The following ATAD2 variants were observed in gnomAD, a reference collection of about 807,000 sequenced individuals.
ATAD2 encodes ATPase family AAA domain containing 2.
In ATAD2, 62 loss-of-function variants were observed where a neutral mutation model predicts 168.9. The observed-to-expected ratio is 0.37, with a 90% CI of 0.30 to 0.45. ATAD2 has a LOEUF of 0.45. Among genes scored for constraint, ATAD2 ranks in the 20% least tolerant of loss-of-function variants. The pLI is 1.00. For missense variants in ATAD2, 1,419 were observed against 1,667.8 expected, an observed-to-expected ratio of 0.85 and a Z score of 2.60; for synonymous variants, 613 against 571.6, an observed-to-expected ratio of 1.07 and a Z score of -1.03.
intron 13 of ATAD2, among the ~76,000 whole-genome samples, chr8:123,350,491 G>A (rs1383484990): frequency 6.6e-6 from 1 of 152,032 alleles, no homozygotes; most frequent in Non-Finnish European, 1.5e-5. Flanking sequence ...GTTAATCCAG[G>A]ACCCACACAC....
intron 2 of ATAD2, 104 bp from the exon 3 acceptor site, chr8:123,372,790 C>A: frequency 2.3e-6 from 2 of 887,212 alleles, no homozygotes; most frequent in Non-Finnish European, 3.2e-6. Context: ...TGCAGTGGCA[C>A]AATCATGACT....
chr8:123,329,297 G>A (rs747814468), intron 24 of ATAD2, among the ~76,000 whole-genome samples: 1 of 152,042 alleles, frequency 6.6e-6, no homozygotes, highest in Non-Finnish European at 1.5e-5. Context: ...AGACTGGAGT[G>A]CAATGGCTAT....
At chr8:123,347,814 T>C (rs1828301472) in intron 15 of ATAD2, among the ~76,000 whole-genome samples, 1 of 152,148 alleles carries the variant, frequency 6.6e-6, no homozygotes, top group African/African-American at 2.4e-5. Flanking sequence ...TTACATGAAA[T>C]AATATATGTA....
chr8:123,390,825 A>G (rs1244410060), intron 1 of ATAD2, among the ~76,000 whole-genome samples: 2 of 152,178 alleles, frequency 1.3e-5, no homozygotes, highest in African/African-American at 2.4e-5. Context: ...TGAGGTCAGG[A>G]GTTTGATACC....
At chr8:123,361,772 C>G in intron 8 of ATAD2, 126 bp from the exon 9 acceptor site, 2 of 639,318 alleles carry the variant, frequency 3.1e-6, no homozygotes, top group South Asian at 4.3e-5. Context: ...TCTGCTGACC[C>G]ACTGACATAA....
chr8:123,383,982 G>A (rs1166305393), intron 1 of ATAD2, among the ~76,000 whole-genome samples: 1 of 151,818 alleles, frequency 6.6e-6, no homozygotes, highest in Non-Finnish European at 1.5e-5. Context: ...TTGGGAGGCT[G>A]AGGCAGGAGA....
At chr8:123,368,884 A>T (rs373295858) in intron 8 of ATAD2, among the ~76,000 whole-genome samples, 174 bp downstream of exon 8, 86 of 152,322 alleles carry the variant, frequency 5.6e-4, no homozygotes, top group African/African-American at 1.9e-3. Context: ...AGCAAAAGCA[A>T]AAACTAGTCA....
At chr8:123,396,736 C>G (rs1812863067), upstream of ATAD2, among the ~76,000 whole-genome samples, 1 of 152,116 alleles carries the variant, frequency 6.6e-6, no homozygotes, top group Non-Finnish European at 1.5e-5. Flanking sequence ...GGAATTTTGG[C>G]GCGGGACGGC....
At position 123,347,264 on chromosome 8, in the gene ATAD2, C is replaced by T. The variant is rs1266900992; in HGVS notation, c.2040G>A (p.Glu680=). The T allele has an allele frequency of 6.2e-7, 1 of 1,613,990 alleles. No individual in the cohort carries two copies. Among genetic ancestry groups the T allele is most frequent in the African/African-American group, 1.3e-5 (1 of 74,908 alleles). The part of the protein sequence containing the change: ...SSINISAKDF[E]VAMQKMIPAS... ...CTGGTATCATCTTTTGCATAGCTAC[C>T]TCGAAATCCTTAGCTGAGATATTAA... is the stretch of plus-strand genomic sequence containing the variant. The change falls in exon 16 of 28, where the codon GAG becomes GAA. Residue 680 remains glutamate (E), a synonymous_variant. Coordinates refer to ENST00000287394, the MANE Select transcript of ATAD2 (RefSeq NM_014109.4).
chr8:123,376,717 G>C (rs913018207), intron 2 of ATAD2, among the ~76,000 whole-genome samples: 13 of 152,142 alleles, frequency 8.5e-5, no homozygotes, highest in African/African-American at 3.1e-4. Flanking sequence ...CACTTTGGGA[G>C]GCTGAGGCAG....
intron 26 of ATAD2, 51 bp from the exon 27 acceptor site, chr8:123,323,117 C>G (rs987680667): frequency 6.5e-7 from 1 of 1,538,636 alleles, no homozygotes; most frequent in African/African-American, 1.4e-5. Flanking sequence ...CTTCCTCAGA[C>G]AAGATACTTA....
At chr8:123,337,436 T>C (rs1827949713) in intron 21 of ATAD2, among the ~76,000 whole-genome samples, 189 bp downstream of exon 21, 1 of 152,200 alleles carries the variant, frequency 6.6e-6, no homozygotes, top group Non-Finnish European at 1.5e-5. Context: ...GTTAATTGTC[T>C]GCAGGAAAGG....
chr8:123,354,039 CAGG>C (rs1408723571), intron 13 of ATAD2, among the ~76,000 whole-genome samples: 10 of 152,070 alleles, frequency 6.6e-5, no homozygotes, highest in Non-Finnish European at 1.5e-4. Context: ...GAGGCTGAGG[CAGG>C]AGAATTGCTT....
intron 24 of ATAD2, among the ~76,000 whole-genome samples, chr8:123,333,665 C>A (rs1271678253): frequency 1.3e-5 from 2 of 152,110 alleles, no homozygotes; most frequent in African/African-American, 2.4e-5. Context: ...AGTTTCAAAT[C>A]AAGACAGTCC....
chr8:123,369,095 C>T lies in ATAD2; in HGVS notation c.1012G>A (p.Ala338Thr), dbSNP rs376155752. The T allele has an allele frequency of 5.5e-5, 87 of 1,594,040 alleles. 4 individuals carry two copies. The highest frequency in any genetic ancestry group is 3.4e-4 in the African/African-American group (25 of 74,604). The change falls in exon 8 of 28, where the codon GCA becomes ACA. Residue 338 changes from alanine to threonine, a missense_variant. Ala to Thr is a moderately conservative substitution (Grantham distance 58). Around this residue, in one of 5 missense-constraint regions of ATAD2, gnomAD observed 419 missense variants for 423.5 expected, o/e 0.99. Transcript: ENST00000287394. Reference protein sequence around the residue: ...PARPRYRLSSAGPRSPYCKRM... With the variant: ...PARPRYRLSSTGPRSPYCKRM... Reference sequence around the variant, plus strand: ...TTACAGTAAGGACTTCTTGGTCCTGCGGAAGATAATCGGTATCTTGGTCTT... The same window carrying T: ...TTACAGTAAGGACTTCTTGGTCCTGTGGAAGATAATCGGTATCTTGGTCTT...
chr8:123,356,521 C>CA, intron 12 of ATAD2, 44 bp from the exon 13 acceptor site: 1 of 1,379,844 alleles, frequency 7.2e-7, no homozygotes, highest in Non-Finnish European at 1.0e-6. Flanking sequence ...TAAACAGCCT[C>CA]AAACACGTAG....
intron 1 of ATAD2, among the ~76,000 whole-genome samples, chr8:123,382,505 G>T (rs1450743557): frequency 6.6e-6 from 1 of 152,132 alleles, no homozygotes; most frequent in African/African-American, 2.4e-5. Flanking sequence ...ATTTTCCAAG[G>T]AATATTTAAA....
Position 123,402,777 on chromosome 8 carries a change from T to C in ATAD2, c.-2281-1602A>G, listed in dbSNP as rs1813018857. On this transcript the variant is annotated intron_variant, in intron 1 of 28. Coordinates refer to the ATAD2 transcript ENST00000521903. This position sits in a 1 kb window ranked among gnomAD's most constrained non-coding sequence, Gnocchi z 4.8. ...TTGGGATCATAGTTGCGTCATTGTG[T>C]ATTAAATAATCAGAATAAATCAAGC... Among the ~76,000 whole-genome samples the C allele has an allele frequency of 6.6e-6, 1 of 151,790 alleles. No homozygotes were observed. Among genetic ancestry groups the C allele is most frequent in the South Asian group, 2.1e-4 (1 of 4,810 alleles).
rs10563871 is a variant in ATAD2, at chr8:123,391,485, GAAAAAAAA to G, written c.171+4694_171+4701del. ...CTGATCAGAGGTAATGAGAAGTTTT[GAAAAAAAA>G]AAAAAAAAAAAAAAAAAAGGTCAGC... is the stretch of plus-strand genomic sequence containing the variant. On this transcript the variant is annotated intron_variant, in intron 1 of 27. Coordinates refer to ENST00000287394, the MANE Select transcript of ATAD2 (RefSeq NM_014109.4). Among the ~76,000 whole-genome samples the G allele has an allele frequency of 3.5e-4, 12 of 33,874 alleles. No homozygotes were observed. The Admixed American group carries it at 3.9e-3, about 11-fold the overall frequency. 22.2% of individuals were successfully genotyped at this position (33,874 alleles called of 152,430 possible). A position where few individuals can be genotyped will look rare whatever the true frequency, so the allele number is the denominator to read the frequency against.
Sources: gnomAD v4.1 joint callset for allele counts (sites outside exome capture counted in the v4.1 genomes callset) on GRCh38, gnomAD v4.1.1 for gene constraint, gnomAD v4.1.1 regional missense constraint, Gnocchi (gnomAD v3.1) non-coding constraint, MANE v1.5 for transcripts, NCBI Gene and HGNC (gene_info 2026-07-23, HGNC 2026-07-21) for gene names.